The following TTL variants were observed in gnomAD, a reference collection of about 807,000 sequenced individuals.
TTL encodes the protein tubulin--tyrosine ligase.
TTL carries 10 observed loss-of-function variants against 41.1 expected under a neutral mutation model. That is an observed-to-expected ratio of 0.24 (90% CI 0.15 to 0.41). The LOEUF (loss-of-function observed/expected upper bound fraction) is 0.41. Among genes scored for constraint, TTL ranks in the 10% least tolerant of loss-of-function variants. The pLI is 1.00. For missense variants in TTL, 367 were observed against 460.4 expected, an observed-to-expected ratio of 0.80 and a Z score of 1.86; for synonymous variants, 175 against 175.5, an observed-to-expected ratio of 1.00 and a Z score of 0.02.
At position 112,537,657 on chromosome 2, in the gene TTL, G is replaced by T. The variant is rs893189870; in HGVS notation, c.*8862G>T. 2 of 152,042 alleles carry T rather than the reference G, an allele frequency of 1.3e-5. No homozygotes were observed. Among genetic ancestry groups the T allele is most frequent in the Non-Finnish European group, 2.9e-5 (2 of 68,038 alleles). The allele number at this position is 152,042 out of a possible 1,614,324, so 9.4% of individuals were successfully genotyped here. On this transcript the variant is annotated 3_prime_UTR_variant, in exon 7 of 7. Transcript: ENST00000233336. ...CCAAGGACATTTTATATTGATAAAA[G>T]GGTCAGTCCATTAGGAAAATATGAC...
chr2:112,512,498 G>A (rs906999415), intron 5 of TTL, among the ~76,000 whole-genome samples: 1 of 152,082 alleles, frequency 6.6e-6, no homozygotes, highest in African/African-American at 2.4e-5. Context: ...TCCTGACCTC[G>A]TGATCCGTCC....
chr2:112,511,362 C>T (rs529203195), intron 5 of TTL, among the ~76,000 whole-genome samples: 3 of 151,692 alleles, frequency 2.0e-5, no homozygotes, highest in Admixed American at 1.3e-4. Context: ...GGCCGAGAAG[C>T]GATGTTTGTT....
intron 6 of TTL, among the ~76,000 whole-genome samples, chr2:112,521,639 T>A (rs1268443985): frequency 6.6e-6 from 1 of 152,238 alleles, no homozygotes; most frequent in Non-Finnish European, 1.5e-5. Flanking sequence ...TTCATCAGTC[T>A]CTGCAGCCGA....
chr2:112,490,088 A>G (rs1366962003), intron 2 of TTL, among the ~76,000 whole-genome samples: 1 of 152,106 alleles, frequency 6.6e-6, no homozygotes, highest in Non-Finnish European at 1.5e-5. Context: ...CATTTTAACA[A>G]CTGTATCCGT....
chr2:112,509,457 A>C (rs1188999971), intron 5 of TTL, among the ~76,000 whole-genome samples: 2 of 152,206 alleles, frequency 1.3e-5, no homozygotes, highest in African/African-American at 2.4e-5. Context: ...CTGTGCTAGC[A>C]ATCAGCGAGA....
Position 112,482,360 on chromosome 2 carries a change from G to A in TTL, c.16G>A (p.Val6Ile). Residue 6 changes from valine (V) to isoleucine (I), a missense_variant, in exon 1 of 7, where the codon GTA becomes ATA. Transcript: ENST00000233336. The surrounding 1 kb of genome is among the most constrained non-coding windows in gnomAD (Gnocchi z 5.3). MYTFV[V>I]RDENSSVYAE... ...GCGCTTCGCCATGTACACCTTCGTG[G>A]TACGCGATGAGAACAGCAGCGTCTA... 1.3e-6 allele frequency: 2 copies of A among 1,563,396 alleles called. No individual in the cohort carries two copies. The highest frequency in any genetic ancestry group is 2.4e-5 in the East Asian group (1 of 41,806).
In TTL at chr2:112,531,913, A is replaced by G. The variant is rs1486005976; in HGVS notation, c.*3118A>G. The G allele has an allele frequency of 4.5e-6, 1 of 223,166 alleles. No homozygotes were observed. The highest frequency in any genetic ancestry group is 2.2e-5 in the African/African-American group (1 of 44,768). 13.8% of individuals were successfully genotyped at this position (223,166 alleles called of 1,614,324 possible). ...TTATAAATCTGCTAAATATGTATTA[A>G]GGGTATTAATTATTGAAAGTCCCTT... On this transcript the variant is annotated 3_prime_UTR_variant, in exon 7 of 7. Transcript: ENST00000233336.
At chr2:112,498,651 C>G (rs1180215195) in intron 3 of TTL, among the ~76,000 whole-genome samples, 1 of 152,076 alleles carries the variant, frequency 6.6e-6, no homozygotes, top group East Asian at 1.9e-4. Context: ...CACTTGTAAT[C>G]CCAGCACTTT....
rs1216383448 is a variant in TTL, at chr2:112,482,480, C to T, written c.136C>T (p.Arg46Trp). The change falls in exon 1 of 7, where the codon CGG (arginine) becomes TGG (tryptophan). Residue 46 changes from arginine (R) to tryptophan (W), a missense_variant. Coordinates refer to ENST00000233336, the MANE Select transcript of TTL (RefSeq NM_153712.5). The surrounding 1 kb of genome is among the most constrained non-coding windows in gnomAD (Gnocchi z 5.3). ...RFNLMLGERN[R>W]LPFGRLGHEP... is the part of the protein sequence containing the mutation. ...CAACCTGATGCTGGGAGAGAGGAAT[C>T]GGCTGCCCTTCGGGAGACTGGGTGA... 8 of 1,610,566 alleles carry T rather than the reference C, an allele frequency of 5.0e-6. No homozygotes were observed. Among genetic ancestry groups the T allele is most frequent in the Non-Finnish European group, 5.9e-6 (7 of 1,178,398 alleles).
At chr2:112,515,058 C>T (rs1380483190) in intron 5 of TTL, among the ~76,000 whole-genome samples, 4 of 152,088 alleles carry the variant, frequency 2.6e-5, no homozygotes, top group Non-Finnish European at 1.5e-5. Context: ...CTTTTTAGTT[C>T]TGAAATTTAT....
intron 3 of TTL, among the ~76,000 whole-genome samples, chr2:112,499,615 A>C (rs1559013579): frequency 6.6e-6 from 1 of 152,224 alleles, no homozygotes; most frequent in Non-Finnish European, 1.5e-5. Context: ...AAAAGTAAAA[A>C]TTGATAAATT....
In TTL at chr2:112,535,981, A is replaced by T. The variant is rs1682590182; in HGVS notation, c.*7186A>T. ...CACCATACTTGGCTAATTTAAAACA[A>T]TTTTTTTAGAGATAGGACCTGGCTT... On this transcript the variant is annotated 3_prime_UTR_variant, in exon 7 of 7. Transcript: ENST00000233336. 6.6e-6 allele frequency: 1 copy of T among 152,048 alleles called. No individual in the cohort carries two copies. The allele number at this position is 152,048 out of a possible 1,614,324, so 9.4% of individuals were successfully genotyped here. A position where few individuals can be genotyped will look rare whatever the true frequency, so the allele number is the denominator to read the frequency against.
chr2:112,484,118 T>G (rs1350278955), intron 1 of TTL, among the ~76,000 whole-genome samples: 1 of 152,158 alleles, frequency 6.6e-6, no homozygotes, highest in Non-Finnish European at 1.5e-5. Flanking sequence ...TGACTGGCAT[T>G]ACCCTGGTGC....
Position 112,512,790 on chromosome 2 carries a change from A to G in TTL, c.876-7492A>G, listed in dbSNP as rs541294450. 2.0e-5 allele frequency among the ~76,000 whole-genome samples: 3 copies of G among 152,228 alleles called. No individual in the cohort carries two copies. In the South Asian group the frequency reaches 6.2e-4, roughly 32 times the overall value. ...GTAATGTAATTATTGTATTGGACTC[A>G]CATCTGCCATCTTATTATTTGTTGT... On this transcript the variant is annotated intron_variant, in intron 5 of 6. Coordinates refer to ENST00000233336, the MANE Select transcript of TTL (RefSeq NM_153712.5).
chr2:112,494,540 T>C (rs115159100), intron 3 of TTL, among the ~76,000 whole-genome samples, 165 bp downstream of exon 3: 1,731 of 152,342 alleles, frequency 0.011, 27 homozygotes, highest in African/African-American at 0.033. Flanking sequence ...AATGTCTATC[T>C]CCAGTATGGT....
chr2:112,513,713 A>G (rs974192006), intron 5 of TTL, among the ~76,000 whole-genome samples: 4 of 151,972 alleles, frequency 2.6e-5, no homozygotes, highest in South Asian at 2.1e-4. Context: ...TATATAGAAG[A>G]TGCATACAAA....
chr2:112,485,012 G>A (rs896758675), intron 1 of TTL, among the ~76,000 whole-genome samples: 1 of 151,936 alleles, frequency 6.6e-6, no homozygotes, highest in Non-Finnish European at 1.5e-5. Flanking sequence ...TGCAGTGGTG[G>A]GATCTTGGCT....
At position 112,529,415 on chromosome 2, in the gene TTL, C is replaced by T; in HGVS notation, c.*620C>T. The T allele has an allele frequency of 4.4e-6, 1 of 228,478 alleles. No homozygotes were observed. Among genetic ancestry groups the T allele is most frequent in the Non-Finnish European group, 8.7e-6 (1 of 114,852 alleles). 14.2% of individuals were successfully genotyped at this position (228,478 alleles called of 1,614,324 possible). ...AACAGCATATGCTGCTCTAAGTCTG[C>T]TCTCTGCATGTTTTAGAAACAAAGT... On this transcript the variant is annotated 3_prime_UTR_variant, in exon 7 of 7. Transcript: ENST00000233336.
chr2:112,493,077 A>G (rs1681433576), intron 2 of TTL, among the ~76,000 whole-genome samples: 1 of 152,176 alleles, frequency 6.6e-6, no homozygotes, highest in African/African-American at 2.4e-5. Flanking sequence ...TTCAAGTTCA[A>G]GTAGCTTTTC....
Sources: allele counts gnomAD v4.1 joint callset (sites outside exome capture counted in the v4.1 genomes callset), GRCh38; gene constraint gnomAD v4.1.1; non-coding constraint Gnocchi (gnomAD v3.1); transcripts MANE v1.5; gene names NCBI Gene and HGNC (gene_info 2026-07-23, HGNC 2026-07-21).